Variants in UBE2W observed in about 807,000 individuals in gnomAD.
The protein encoded by UBE2W is ubiquitin conjugating enzyme E2 W.
Under a neutral mutation model 27.2 loss-of-function variants are expected in UBE2W, and 18 were observed. The observed-to-expected ratio is 0.66, with a 90% CI of 0.46 to 0.98. The LOEUF (loss-of-function observed/expected upper bound fraction) is 0.98, where lower values mean the gene tolerates loss of function less well. UBE2W is among the 50% of genes least tolerant of loss of function. The pLI, the probability that UBE2W is intolerant of heterozygous loss-of-function variation, is 0.00. For synonymous variants in UBE2W, 53 were observed against 57.2 expected, an observed-to-expected ratio of 0.93 and a Z score of 0.33; for missense variants, 90 against 180.2, an observed-to-expected ratio of 0.50 and a Z score of 2.87.
At chr8:73,854,871 T>C (rs1023192053) in intron 1 of UBE2W, among the ~76,000 whole-genome samples, 5 of 152,250 alleles carry the variant, frequency 3.3e-5, no homozygotes, top group African/African-American at 7.2e-5. Context: ...TTGTATATTA[T>C]ATACTGCATT....
At chr8:73,830,327 A>G (rs373344157) in intron 2 of UBE2W, 54 bp downstream of exon 2, 3 of 1,305,592 alleles carry the variant, frequency 2.3e-6, no homozygotes, top group Non-Finnish European at 1.1e-6. Context: ...GCGGGTGAAC[A>G]TTCATACATT....
At chr8:73,859,643 T>C (rs1811462331) in intron 1 of UBE2W, among the ~76,000 whole-genome samples, 1 of 152,224 alleles carries the variant, frequency 6.6e-6, no homozygotes, top group South Asian at 2.1e-4. Context: ...AGGTTTCCAG[T>C]TAACAGTAAG....
chr8:73,794,191 G>A, intron 5 of UBE2W, 76 bp from the exon 6 acceptor site: 2 of 1,538,978 alleles, frequency 1.3e-6, no homozygotes, highest in Non-Finnish European at 1.8e-6. Context: ...GTTTAATGTA[G>A]AAATAATTTC....
chr8:73,799,703 C>T (rs991017659), intron 5 of UBE2W, among the ~76,000 whole-genome samples: 2 of 152,152 alleles, frequency 1.3e-5, no homozygotes, highest in Admixed American at 1.3e-4. Context: ...GAGCTTGAGA[C>T]CTGAGGCACA....
At chr8:73,807,895 G>A (rs976465145) in intron 4 of UBE2W, among the ~76,000 whole-genome samples, 2 of 152,188 alleles carry the variant, frequency 1.3e-5, no homozygotes, top group African/African-American at 4.8e-5. Context: ...TTAGGAATGG[G>A]ATACAAACTG....
intron 1 of UBE2W, among the ~76,000 whole-genome samples, chr8:73,871,786 CAG>C (rs1812016665): frequency 6.6e-6 from 1 of 152,184 alleles, no homozygotes; most frequent in African/African-American, 2.4e-5. Context: ...ACTATATTTT[CAG>C]AGAGATGCCA....
At chr8:73,798,091 C>T (rs1808494173) in intron 5 of UBE2W, among the ~76,000 whole-genome samples, 1 of 152,096 alleles carries the variant, frequency 6.6e-6, no homozygotes, top group African/African-American at 2.4e-5. Context: ...AATTTGAGAC[C>T]AATCTGGGCA....
chr8:73,861,699 C>G (rs989296496), intron 1 of UBE2W, among the ~76,000 whole-genome samples: 2 of 152,152 alleles, frequency 1.3e-5, no homozygotes, highest in African/African-American at 4.8e-5. Context: ...TAGGTGGACT[C>G]TACCAGCATT....
chr8:73,850,725 TAAAAAAAAAAAAAA>T (rs11318665), intron 1 of UBE2W, among the ~76,000 whole-genome samples: 65 of 63,594 alleles, frequency 1.0e-3, no homozygotes, highest in African/African-American at 3.6e-3. Context: ...AGCAGGACAT[TAAAAAAAAAAAAAA>T]AAAAAAAAAA....
chr8:73,786,998 T>C lies in UBE2W; in HGVS notation c.*7104A>G. ...GTCTAATGACATATATTCACCCACA[T>C]TAAGTCCCTGAAGGCCAGATACAGA... On this transcript the variant is annotated 3_prime_UTR_variant, in exon 6 of 6. Coordinates refer to ENST00000602593, the MANE Select transcript of UBE2W (RefSeq NM_018299.6). 1.0e-6 allele frequency: 1 copy of C among 985,452 alleles called. No homozygotes were observed. Among genetic ancestry groups the C allele is most frequent in the Non-Finnish European group, 1.2e-6 (1 of 829,926 alleles). The allele number at this position is 985,452 out of a possible 1,614,324, so 61.0% of individuals were successfully genotyped here.
chr8:73,813,750 G>GT (rs11349382), intron 3 of UBE2W, among the ~76,000 whole-genome samples: 110 of 147,188 alleles, frequency 7.5e-4, no homozygotes, highest in East Asian at 9.9e-4. Flanking sequence ...TCCACAGATG[G>GT]TTTTTTTTTT....
At chr8:73,878,780 C>G in intron 1 of UBE2W, 28 bp downstream of exon 1, 1 of 1,538,576 alleles carries the variant, frequency 6.5e-7, no homozygotes, top group Non-Finnish European at 8.8e-7. Context: ...GCTCCCTGGC[C>G]CGCCCAGATG....
chr8:73,837,155 A>C (rs1231816533), intron 1 of UBE2W, among the ~76,000 whole-genome samples: 1 of 152,238 alleles, frequency 6.6e-6, no homozygotes, highest in African/African-American at 2.4e-5. Flanking sequence ...TTAAACAATG[A>C]CACACCTTCA....
intron 1 of UBE2W, among the ~76,000 whole-genome samples, chr8:73,854,134 A>G (rs958031477): frequency 1.3e-5 from 2 of 152,116 alleles, no homozygotes; most frequent in Non-Finnish European, 1.5e-5. Context: ...GGGTGACAGC[A>G]TGAAACTCCG....
chr8:73,781,373 C>A (rs921780940), downstream of UBE2W, among the ~76,000 whole-genome samples: 1 of 151,822 alleles, frequency 6.6e-6, no homozygotes, highest in African/African-American at 2.4e-5. Flanking sequence ...ATTTCACTAT[C>A]ATTGCTACCT....
At position 73,792,997 on chromosome 8, in the gene UBE2W, T is replaced by G. The variant is rs1391895220; in HGVS notation, c.*1105A>C. On this transcript the variant is annotated 3_prime_UTR_variant, in exon 6 of 6. Coordinates refer to ENST00000602593, the MANE Select transcript of UBE2W (RefSeq NM_018299.6). ...TCTGTCAAAAATGTATTTCTTATTTTAGGGTACAGGATTAAAGGACAAGAT... is the reference window on the plus strand; with the variant it reads ...TCTGTCAAAAATGTATTTCTTATTTGAGGGTACAGGATTAAAGGACAAGAT... 1 of 985,422 alleles carries G rather than the reference T, an allele frequency of 1.0e-6. No individual in the cohort carries two copies. The highest frequency in any genetic ancestry group is 6.1e-5 in the Admixed American group (1 of 16,262). The allele number at this position is 985,422 out of a possible 1,614,324, so 61.0% of individuals were successfully genotyped here.
chr8:73,833,452 GTTA>G (rs2130913814), intron 1 of UBE2W, among the ~76,000 whole-genome samples: 2 of 151,890 alleles, frequency 1.3e-5, no homozygotes, highest in South Asian at 4.2e-4. Flanking sequence ...ATATTTCAAG[GTTA>G]TTGTTAATGA....
chr8:73,781,137 G>A (rs913120107), intron 4 of UBE2W, among the ~76,000 whole-genome samples: 2 of 151,798 alleles, frequency 1.3e-5, no homozygotes, highest in African/African-American at 4.8e-5. Flanking sequence ...AGGCATGGTG[G>A]CATGCGCCTG....
At chr8:73,814,848 T>G (rs1282658997) in intron 3 of UBE2W, among the ~76,000 whole-genome samples, 1 of 152,180 alleles carries the variant, frequency 6.6e-6, no homozygotes, top group Non-Finnish European at 1.5e-5. Flanking sequence ...ATTACTACCT[T>G]TCCAAACATC....
Sources: allele counts gnomAD v4.1 joint callset (sites outside exome capture counted in the v4.1 genomes callset), GRCh38; gene constraint gnomAD v4.1.1; transcripts MANE v1.5; gene names NCBI Gene and HGNC (gene_info 2026-07-23, HGNC 2026-07-21).